CACNA1E: variants seen among roughly 807,000 people sequenced by gnomAD.
The protein encoded by CACNA1E is voltage-dependent R-type calcium channel subunit alpha-1E.
Under a neutral mutation model 259.2 loss-of-function variants are expected in CACNA1E, and 40 were observed. The ratio of observed to expected loss-of-function variants is 0.15; its 90% CI spans 0.12 to 0.20. The LOEUF (loss-of-function observed/expected upper bound fraction) is 0.20, where lower values mean the gene tolerates loss of function less well. Ranked by LOEUF, CACNA1E falls within the 10% of genes least tolerant of loss-of-function variation. CACNA1E has a pLI of 1.00. For synonymous variants in CACNA1E, 1,104 were observed against 1,138.5 expected (o/e 0.97, Z 0.61); for missense variants, 1,874 against 3,040.1 (o/e 0.62, Z 9.02).
chr1:181,631,010 A>G (rs1656679965), intron 6 of CACNA1E, among the ~76,000 whole-genome samples: 1 of 152,172 alleles, frequency 6.6e-6, no homozygotes, highest in South Asian at 2.1e-4. Context: ...GGCAGCTGGA[A>G]GGCCTGGCTG....
intron 1 of CACNA1E, among the ~76,000 whole-genome samples, chr1:181,336,028 AGACAG>A (rs1651685046): frequency 6.6e-6 from 1 of 152,206 alleles, no homozygotes; most frequent in Non-Finnish European, 1.5e-5. Context: ...CTTCTATTTC[AGACAG>A]GTCTAATCAA....
intron 2 of CACNA1E, among the ~76,000 whole-genome samples, chr1:181,448,466 T>C (rs1483201163): frequency 6.6e-6 from 1 of 152,244 alleles, no homozygotes; most frequent in Admixed American, 6.5e-5. Context: ...TCTGAATGTT[T>C]CTCTTTCCAC....
intron 6 of CACNA1E, among the ~76,000 whole-genome samples, chr1:181,587,536 C>T (rs1299186518): frequency 1.3e-5 from 2 of 152,094 alleles, no homozygotes; most frequent in South Asian, 2.1e-4. Flanking sequence ...AAAGAGGTGG[C>T]GGAGAAACCG....
intron 2 of CACNA1E, among the ~76,000 whole-genome samples, chr1:181,416,739 C>T (rs967309981): frequency 6.6e-6 from 1 of 152,146 alleles, no homozygotes; most frequent in Admixed American, 6.5e-5. Flanking sequence ...ACCATTACTC[C>T]CCTCTCCTGT....
intron 1 of CACNA1E, among the ~76,000 whole-genome samples, chr1:181,507,141 T>A (rs1194230213): frequency 6.6e-6 from 1 of 152,230 alleles, no homozygotes; most frequent in African/African-American, 2.4e-5. Context: ...GGAGAGGAAG[T>A]GAGAATAGGG....
chr1:181,407,511 A>T (rs1201247685), intron 1 of CACNA1E, among the ~76,000 whole-genome samples: 2 of 152,176 alleles, frequency 1.3e-5, no homozygotes, highest in African/African-American at 2.4e-5. Context: ...AACCCACCCA[A>T]GATCTACTGC....
intron 7 of CACNA1E, among the ~76,000 whole-genome samples, chr1:181,693,238 A>C (rs1295102143): frequency 6.6e-6 from 1 of 152,028 alleles, no homozygotes; most frequent in African/African-American, 2.4e-5. Flanking sequence ...TGTGGAAAGC[A>C]GTTTGGAGAT....
chr1:181,651,521 T>C (rs1311344655), intron 7 of CACNA1E, 80 bp downstream of exon 7: 1 of 983,566 alleles, frequency 1.0e-6, no homozygotes, highest in African/African-American at 1.6e-5. Flanking sequence ...CATGGCAGAT[T>C]CATTCATTTA....
At chr1:181,419,850 T>C (rs1658593183) in intron 2 of CACNA1E, among the ~76,000 whole-genome samples, 1 of 151,922 alleles carries the variant, frequency 6.6e-6, no homozygotes, top group African/African-American at 2.4e-5. Context: ...AAGTGGGGAG[T>C]CTGTTCTCTG....
intron 44 of CACNA1E, 76 bp from the exon 45 acceptor site, chr1:181,793,589 C>G: frequency 6.6e-7 from 1 of 1,508,336 alleles, no homozygotes; most frequent in Non-Finnish European, 9.0e-7. Flanking sequence ...CTTGAGGAGG[C>G]TGAATTGTCC....
At chr1:181,622,015 A>C (rs1462611249) in intron 6 of CACNA1E, among the ~76,000 whole-genome samples, 2 of 152,190 alleles carry the variant, frequency 1.3e-5, no homozygotes, top group Non-Finnish European at 2.9e-5. Context: ...GTCACTGCCA[A>C]GAATGCCCCT....
chr1:181,718,777 G>A (rs540699331), intron 12 of CACNA1E, among the ~76,000 whole-genome samples: 4 of 152,176 alleles, frequency 2.6e-5, no homozygotes, highest in East Asian at 3.9e-4. Flanking sequence ...GTGCTTTCAC[G>A]TATCTTTTAT....
Position 181,800,833 on chromosome 1 carries a change from A to G in CACNA1E, c.*1999A>G, listed in dbSNP as rs1662218484. On this transcript the variant is annotated 3_prime_UTR_variant, in exon 48 of 48. Transcript: ENST00000367573. ...TGGCCCCGCCTTCTCTTCTGATACT[A>G]ATGGAGCTTCATGACCCACGGTCAG... 6.5e-6 allele frequency: 1 copy of G among 152,682 alleles called. No individual in the cohort carries two copies. Among genetic ancestry groups the G allele is most frequent in the Admixed American group, 6.5e-5 (1 of 15,290 alleles). The allele number at this position is 152,682 out of a possible 1,614,324, so 9.5% of individuals were successfully genotyped here.
At position 181,795,255 on chromosome 1, in the gene CACNA1E, T is replaced by C. The variant is rs183945039; in HGVS notation, c.6208+211T>C. ...TCCTCTGTGTTCACCGGAAAAGCTG[T>C]TGCAATCCCTTCCTTCTGGAGCAGG... is the stretch of plus-strand genomic sequence containing the variant. On this transcript the variant is annotated intron_variant, in intron 46 of 47. Transcript: ENST00000367573. 6.6e-5 allele frequency among the ~76,000 whole-genome samples: 10 copies of C among 152,332 alleles called. No homozygotes were observed. In the East Asian group the frequency reaches 1.7e-3, roughly 26 times the overall value.
chr1:181,718,858 A>G (rs1339827148), intron 12 of CACNA1E, among the ~76,000 whole-genome samples: 2 of 152,194 alleles, frequency 1.3e-5, no homozygotes, highest in African/African-American at 4.8e-5. Flanking sequence ...TCCCATTTAC[A>G]CAAGAATAAA....
intron 7 of CACNA1E, among the ~76,000 whole-genome samples, chr1:181,701,373 G>T (rs913044262): frequency 6.6e-6 from 1 of 152,192 alleles, no homozygotes; most frequent in African/African-American, 2.4e-5. Context: ...TTAGAGTGCT[G>T]TGGGGGGTGT....
intron 1 of CACNA1E, among the ~76,000 whole-genome samples, chr1:181,508,575 G>T (rs1357505741): frequency 1.3e-5 from 2 of 152,184 alleles, no homozygotes; most frequent in Admixed American, 1.3e-4. Context: ...TCCTTGTGTG[G>T]TTCCTGGTTG....
At chr1:181,329,810 T>A (rs2102592136) in intron 1 of CACNA1E, among the ~76,000 whole-genome samples, 1 of 152,334 alleles carries the variant, frequency 6.6e-6, no homozygotes, top group East Asian at 1.9e-4. Flanking sequence ...TAGTTTAGCA[T>A]CTGTGTCTCC....
intron 1 of CACNA1E, among the ~76,000 whole-genome samples, chr1:181,319,509 C>CTAAA (rs1650181580): frequency 6.6e-6 from 1 of 152,186 alleles, no homozygotes; most frequent in Non-Finnish European, 1.5e-5. Flanking sequence ...TTTCTACCAT[C>CTAAA]TAAACTAAGA....
Sources: gnomAD v4.1 joint callset for allele counts (sites outside exome capture counted in the v4.1 genomes callset) on GRCh38, gnomAD v4.1.1 for gene constraint, MANE v1.5 for transcripts, NCBI Gene and HGNC (gene_info 2026-07-23, HGNC 2026-07-21) for gene names.